NUBPL: variants seen among roughly 807,000 people sequenced by gnomAD.
NUBPL encodes the protein NUBP iron-sulfur cluster assembly factor, mitochondrial, also known as iron-sulfur cluster transfer protein NUBPL.
In NUBPL, 31 loss-of-function variants were observed where a neutral mutation model predicts 45.7. That is an observed-to-expected ratio of 0.68 (90% confidence interval 0.51 to 0.92). The LOEUF is 0.92. NUBPL is among the 40% of genes least tolerant of loss of function. The pLI is 0.00. For missense variants in NUBPL, 401 were observed against 398.7 expected (o/e 1.01, Z -0.05); for synonymous variants, 144 against 140.9 (o/e 1.02, Z -0.15).
chr14:31,600,479 C>A (rs1239913660), intron 4 of NUBPL, among the ~76,000 whole-genome samples: 2 of 152,156 alleles, frequency 1.3e-5, no homozygotes, highest in African/African-American at 4.8e-5. Flanking sequence ...TACCCGAATA[C>A]CCACGCAGAC....
At chr14:31,859,058 A>G (rs1451207584) in intron 10 of NUBPL, 60 bp from the exon 11 acceptor site, 1 of 1,443,876 alleles carries the variant, frequency 6.9e-7, no homozygotes, top group African/African-American at 1.4e-5. Context: ...CAAACAGTTG[A>G]TGAGTCATTC....
chr14:31,666,488 C>G (rs2036431409), intron 4 of NUBPL, among the ~76,000 whole-genome samples: 1 of 151,098 alleles, frequency 6.6e-6, no homozygotes, highest in Admixed American at 6.6e-5. Context: ...TGGTCTCAAA[C>G]TCATGACCTT....
At chr14:31,651,442 T>A (rs1308787910) in intron 4 of NUBPL, among the ~76,000 whole-genome samples, 3 of 152,206 alleles carry the variant, frequency 2.0e-5, no homozygotes, top group African/African-American at 7.2e-5. Context: ...ATCACATTTT[T>A]TTTAAGGATG....
At position 31,831,594 on chromosome 14, in the gene NUBPL, T is replaced by C. The variant is rs138531226; in HGVS notation, c.693+4880T>C. 9.9e-5 allele frequency among the ~76,000 whole-genome samples: 15 copies of C among 152,262 alleles called. No individual in the cohort carries two copies. In the East Asian group the frequency reaches 2.5e-3, roughly 25 times the overall value. ...AAGATGTAGTTTCTCGCTAAATATA[T>C]ACTGAGTGAATGAGTGGAGTAGGAT... On this transcript the variant is annotated intron_variant, in intron 8 of 10. Transcript: ENST00000281081.
chr14:31,562,609 T>C (rs894951266), intron 2 of NUBPL, among the ~76,000 whole-genome samples: 13 of 146,674 alleles, frequency 8.9e-5, no homozygotes, highest in African/African-American at 3.3e-4. Flanking sequence ...TTTTTGTTTT[T>C]TTTTTTTTTT....
rs997114671 is a variant in NUBPL at position 31,644,936 on chromosome 14, G to A, written c.383-28419G>A. On this transcript the variant is annotated intron_variant, in intron 4 of 10. Coordinates refer to ENST00000281081, the MANE Select transcript of NUBPL (RefSeq NM_025152.3). ...TCTTTTTTGCACAGTATGATTTGTAGTCATCTTACCTGATACAAATATAGC... is the reference window on the plus strand; with the variant it reads ...TCTTTTTTGCACAGTATGATTTGTAATCATCTTACCTGATACAAATATAGC... Among the ~76,000 whole-genome samples, 6 of 151,960 alleles carry A rather than the reference G, an allele frequency of 3.9e-5. No individual in the cohort carries two copies. The South Asian group carries it at 1.2e-3, about 32-fold the overall frequency.
chr14:31,603,002 G>C (rs1208391914), intron 4 of NUBPL, among the ~76,000 whole-genome samples: 1 of 151,996 alleles, frequency 6.6e-6, no homozygotes, highest in Non-Finnish European at 1.5e-5. Flanking sequence ...TAAGAAGAAG[G>C]AAATGTTATT....
At chr14:31,606,095 TTTTC>T (rs1450735779) in intron 4 of NUBPL, among the ~76,000 whole-genome samples, 3,859 of 128,976 alleles carry the variant, frequency 0.03, 61 homozygotes, top group Admixed American at 0.045. Context: ...TTTTCTTTTC[TTTTC>T]TTTTTTTTTT....
At chr14:31,824,362 G>A (rs8022324) in intron 7 of NUBPL, among the ~76,000 whole-genome samples, 24,124 of 151,898 alleles carry the variant, frequency 0.16, 5,518 homozygotes, top group African/African-American at 0.51. Flanking sequence ...TCCTTCTAAA[G>A]GAAAGATAAT....
intron 7 of NUBPL, among the ~76,000 whole-genome samples, chr14:31,824,234 T>C (rs566502962): frequency 1.7e-3 from 255 of 152,246 alleles, no homozygotes; most frequent in African/African-American, 5.4e-3. Flanking sequence ...ACAAAAACTC[T>C]GATAGGTTAA....
rs117502952 is a variant in NUBPL at position 31,820,546 on chromosome 14, G to A, written c.608-6083G>A. Among the ~76,000 whole-genome samples, 821 of 152,286 alleles carry A rather than the reference G, an allele frequency of 5.4e-3. 4 individuals are homozygous for A. Among genetic ancestry groups the A allele is most frequent in the Non-Finnish European group, 9.1e-3 (616 of 68,016 alleles). On this transcript the variant is annotated intron_variant, in intron 7 of 10. Transcript: ENST00000281081. ...CTTTAAAATTTAAAAATCTGGGGCC[G>A]TGTGCGGTGGTGCACGCCTGTAATC...
intron 6 of NUBPL, among the ~76,000 whole-genome samples, chr14:31,754,941 A>G (rs1425822906): frequency 9.1e-6 from 1 of 110,448 alleles, no homozygotes; most frequent in Non-Finnish European, 1.7e-5. Flanking sequence ...GAGTGAGAAC[A>G]TGCAGTGTTC....
At chr14:31,639,589 G>T (rs1174658425) in intron 4 of NUBPL, among the ~76,000 whole-genome samples, 1 of 152,170 alleles carries the variant, frequency 6.6e-6, no homozygotes, top group Non-Finnish European at 1.5e-5. Flanking sequence ...GCTGCATCCT[G>T]GGAGAACCAC....
chr14:31,603,385 G>T (rs867637523), intron 4 of NUBPL, among the ~76,000 whole-genome samples: 1 of 151,558 alleles, frequency 6.6e-6, no homozygotes, highest in Non-Finnish European at 1.5e-5. Context: ...ATGGTTTTAT[G>T]GGAAATTGGT....
At chr14:31,829,127 G>A (rs1471035927) in intron 8 of NUBPL, among the ~76,000 whole-genome samples, 1 of 152,172 alleles carries the variant, frequency 6.6e-6, no homozygotes, top group Non-Finnish European at 1.5e-5. Flanking sequence ...CAAGGTCCAG[G>A]ATGCTGTCAT....
chr14:31,811,952 CTGCAGAACAGCAAATAT>C (rs1394023299), intron 7 of NUBPL, among the ~76,000 whole-genome samples: 4 of 152,222 alleles, frequency 2.6e-5, no homozygotes, highest in Non-Finnish European at 5.9e-5. Context: ...CCAGCAGAGG[CTGCAGAACAGCAAATAT>C]TGCAGAACAG....
At chr14:31,745,040 C>CT (rs369825737) in intron 6 of NUBPL, among the ~76,000 whole-genome samples, 16 of 96,538 alleles carry the variant, frequency 1.7e-4, no homozygotes, top group African/African-American at 1.1e-3. Context: ...TAGGTTATTT[C>CT]TTTTTTTTTA....
intron 9 of NUBPL, among the ~76,000 whole-genome samples, chr14:31,848,473 G>C (rs561509177): frequency 6.6e-6 from 1 of 152,120 alleles, no homozygotes; most frequent in Non-Finnish European, 1.5e-5. Flanking sequence ...TATTTGGTAC[G>C]ATAGCTCTTG....
At chr14:31,578,055 G>T (rs939290693) in intron 3 of NUBPL, 1 of 1,098,436 alleles carries the variant, frequency 9.1e-7, no homozygotes, top group Non-Finnish European at 1.2e-6. Flanking sequence ...TTACACTTTG[G>T]CAGAATTCTC....
Sources: allele counts gnomAD v4.1 joint callset (sites outside exome capture counted in the v4.1 genomes callset), GRCh38; gene constraint gnomAD v4.1.1; transcripts MANE v1.5; gene names NCBI Gene and HGNC (gene_info 2026-07-23, HGNC 2026-07-21).